Variants in RABEP1 observed in about 807,000 individuals in gnomAD.
RABEP1 encodes the protein rab GTPase-binding effector protein 1.
A neutral mutation model predicts 123.4 loss-of-function variants in RABEP1; 51 were observed. The observed-to-expected ratio is 0.41, with a 90% CI of 0.33 to 0.52. The LOEUF (loss-of-function observed/expected upper bound fraction) is 0.52. Ranked by LOEUF, RABEP1 falls within the 20% of genes least tolerant of loss-of-function variation. The pLI is 0.16. For missense variants in RABEP1, 888 were observed against 996.3 expected, an observed-to-expected ratio of 0.89 and a Z score of 1.46; for synonymous variants, 347 against 355.2, an observed-to-expected ratio of 0.98 and a Z score of 0.26.
chr17:5,287,924 ACT>A (rs1306729481), intron 1 of RABEP1, among the ~76,000 whole-genome samples: 1 of 151,816 alleles, frequency 6.6e-6, no homozygotes, highest in Non-Finnish European at 1.5e-5. Flanking sequence ...AAAAAAAATC[ACT>A]CTGACTGCTG....
chr17:5,332,002 C>T lies in RABEP1; in HGVS notation c.217C>T (p.His73Tyr). The T allele has an allele frequency of 1.2e-6, 2 of 1,613,966 alleles. No homozygotes were observed. The highest frequency in any genetic ancestry group is 8.5e-7 in the Non-Finnish European group (1 of 1,179,964). ...ACAAGCTGCACAAGATGATTTGGGA[C>T]ACCTTCGAACCCAGCTGTGGGAAGC... ...VLQAAQDDLG[H>Y]LRTQLWEAQA... The change falls in exon 3 of 18, where the codon CAC (histidine) becomes TAC (tyrosine). Residue 73 changes from histidine (H) to tyrosine (Y), a missense_variant. Coordinates refer to ENST00000537505, the MANE Select transcript of RABEP1 (RefSeq NM_004703.6).
chr17:5,350,487 A>G lies in RABEP1; in HGVS notation c.821A>G (p.Asn274Ser). 1 of 1,614,070 alleles carries G rather than the reference A, an allele frequency of 6.2e-7. No individual in the cohort carries two copies. Among genetic ancestry groups the G allele is most frequent in the African/African-American group, 1.3e-5 (1 of 75,048 alleles). ...TTGGAGCAAGAGCGACAACAACACA[A>G]CCAGTTAAAACATACGTGGCAGAAG... ...HLLEQERQQHNQLKHTWQKAN... is the reference protein window; with the variant it reads ...HLLEQERQQHSQLKHTWQKAN... Residue 274 changes from asparagine (N) to serine (S), a missense_variant, in exon 7 of 18, where the codon AAC becomes AGC. Physicochemically the swap from Asn to Ser is conservative, Grantham distance 46 (BLOSUM62 1). Coordinates refer to ENST00000537505, the MANE Select transcript of RABEP1 (RefSeq NM_004703.6).
chr17:5,367,540 A>G (rs924592070), intron 11 of RABEP1, among the ~76,000 whole-genome samples: 1 of 151,714 alleles, frequency 6.6e-6, no homozygotes, highest in Non-Finnish European at 1.5e-5. Flanking sequence ...AAGTGCTAGG[A>G]TTACAGGCGT....
intron 1 of RABEP1, among the ~76,000 whole-genome samples, chr17:5,284,322 G>A (rs1164639803): frequency 6.6e-6 from 1 of 152,134 alleles, no homozygotes; most frequent in Non-Finnish European, 1.5e-5. Context: ...GTGACTCTAG[G>A]ATGAGATTTA....
intron 1 of RABEP1, among the ~76,000 whole-genome samples, chr17:5,302,333 C>G (rs1196953726): frequency 6.8e-6 from 1 of 147,410 alleles, no homozygotes; most frequent in Non-Finnish European, 1.5e-5. Context: ...CTTGTCCTCC[C>G]CAGTTCAAGC....
chr17:5,332,679 AC>A (rs997015777), intron 3 of RABEP1, among the ~76,000 whole-genome samples: 40 of 136,324 alleles, frequency 2.9e-4, no homozygotes, highest in African/African-American at 1.1e-3. Context: ...AGCTCACTGT[AC>A]TCGCTGCAAC....
intron 1 of RABEP1, among the ~76,000 whole-genome samples, chr17:5,292,092 C>T (rs1412873839): frequency 6.6e-6 from 1 of 152,158 alleles, no homozygotes; most frequent in Admixed American, 6.5e-5. Context: ...GTATATATTG[C>T]CAAATTGCTT....
At chr17:5,321,411 C>A (rs1010389049) in intron 2 of RABEP1, among the ~76,000 whole-genome samples, 1 of 152,208 alleles carries the variant, frequency 6.6e-6, no homozygotes, top group Non-Finnish European at 1.5e-5. Flanking sequence ...CCACAGCACT[C>A]CAGCCTGGGT....
At chr17:5,382,589 T>C (rs368724687) in intron 17 of RABEP1, among the ~76,000 whole-genome samples, 47 of 151,944 alleles carry the variant, frequency 3.1e-4, no homozygotes, top group Middle Eastern at 3.4e-3. Flanking sequence ...CCGTCTCTAC[T>C]TAAAATACAA....
intron 10 of RABEP1, 60 bp downstream of exon 10, chr17:5,363,076 T>C: frequency 7.8e-7 from 1 of 1,277,430 alleles, no homozygotes; most frequent in African/African-American, 1.5e-5. Flanking sequence ...GGTGCAGAAT[T>C]AATTGCCCCC....
At chr17:5,373,064 T>C (rs1910649737) in intron 12 of RABEP1, among the ~76,000 whole-genome samples, 3 of 152,152 alleles carry the variant, frequency 2.0e-5, no homozygotes, top group South Asian at 2.1e-4. Context: ...AACCAAAAGA[T>C]AGAATTTTTA....
intron 2 of RABEP1, among the ~76,000 whole-genome samples, chr17:5,317,647 A>G (rs923255362): frequency 1.1e-3 from 157 of 140,744 alleles, no homozygotes; most frequent in African/African-American, 4.0e-3. Context: ...ATATATATAT[A>G]TGTAGTTTTC....
At chr17:5,295,124 G>C (rs368125387) in intron 1 of RABEP1, among the ~76,000 whole-genome samples, 1 of 151,996 alleles carries the variant, frequency 6.6e-6, no homozygotes, top group South Asian at 2.1e-4. Flanking sequence ...GCTTACACCT[G>C]TAATCCCAGC....
At chr17:5,294,679 G>A (rs369595113) in intron 1 of RABEP1, among the ~76,000 whole-genome samples, 16 of 102,714 alleles carry the variant, frequency 1.6e-4, no homozygotes, top group East Asian at 3.4e-4. Context: ...ATGGAGTCTC[G>A]CTCTGTCACC....
Position 5,385,173 on chromosome 17 carries a change from T to A in RABEP1, c.*1950T>A. The A allele has an allele frequency of 4.3e-6, 1 of 229,952 alleles. No individual in the cohort carries two copies. Among genetic ancestry groups the A allele is most frequent in the Non-Finnish European group, 8.6e-6 (1 of 116,032 alleles). The allele number at this position is 229,952 out of a possible 1,614,324, so 14.2% of individuals were successfully genotyped here. A position where few individuals can be genotyped will look rare whatever the true frequency, so the allele number is the denominator to read the frequency against. Reference sequence around the variant, plus strand: ...GTAGAAAAACCCAAACTGAGACTCTTAAGTTTTGTTTAGCAATGTGTTTCT... The same window carrying A: ...GTAGAAAAACCCAAACTGAGACTCTAAAGTTTTGTTTAGCAATGTGTTTCT... On this transcript the variant is annotated 3_prime_UTR_variant, in exon 18 of 18. Coordinates refer to ENST00000537505, the MANE Select transcript of RABEP1 (RefSeq NM_004703.6).
chr17:5,374,073 TTTTG>T (rs1430389937), intron 13 of RABEP1, among the ~76,000 whole-genome samples: 1 of 152,158 alleles, frequency 6.6e-6, no homozygotes, highest in Admixed American at 6.6e-5. Flanking sequence ...AAGATGACAC[TTTTG>T]TTTCTTTTTG....
chr17:5,361,323 G>A lies in RABEP1; in HGVS notation c.1211G>A (p.Arg404Lys), dbSNP rs1909512584. Residue 404 changes from arginine to lysine, a missense_variant, in exon 9 of 18, where the codon AGA becomes AAA. Arg to Lys is a conservative substitution (Grantham distance 26). Transcript: ENST00000537505. ...GACATGTTTAAAGATGGACTCAGGA[G>A]AGCACAGTCTACAGACAGCTTGGGA... Reference protein sequence around the residue: ...DNDMFKDGLRRAQSTDSLGTS... With the variant: ...DNDMFKDGLRKAQSTDSLGTS... 2.5e-6 allele frequency: 4 copies of A among 1,614,132 alleles called. No homozygotes were observed. The highest frequency in any genetic ancestry group is 3.4e-6 in the Non-Finnish European group (4 of 1,180,034).
chr17:5,366,954 C>T (rs186786083), intron 11 of RABEP1, among the ~76,000 whole-genome samples: 98 of 151,330 alleles, frequency 6.5e-4, no homozygotes, highest in Non-Finnish European at 9.9e-4. Context: ...CCGAGTGTTT[C>T]GGCGCATTCC....
intron 5 of RABEP1, among the ~76,000 whole-genome samples, chr17:5,346,428 T>C (rs1908067294): frequency 6.6e-6 from 1 of 152,196 alleles, no homozygotes; most frequent in Admixed American, 6.5e-5. Flanking sequence ...AGAAATTAAC[T>C]ACCGATTTAA....
Sources: gnomAD v4.1 joint callset for allele counts (sites outside exome capture counted in the v4.1 genomes callset) on GRCh38, gnomAD v4.1.1 for gene constraint, MANE v1.5 for transcripts, NCBI Gene and HGNC (gene_info 2026-07-23, HGNC 2026-07-21) for gene names.